TWIST2: variants seen among roughly 807,000 people sequenced by gnomAD.
TWIST2 encodes twist-related protein 2.
Under a neutral mutation model 11.6 loss-of-function variants are expected in TWIST2, and 1 was observed. That is an observed-to-expected ratio of 0.09 (90% CI 0.03 to 0.41). TWIST2 has a LOEUF of 0.41. Ranked by LOEUF, TWIST2 falls within the 10% of genes least tolerant of loss-of-function variation. TWIST2 has a pLI of 0.98. For synonymous variants in TWIST2, 87 were observed against 96.6 expected, an observed-to-expected ratio of 0.90 and a Z score of 0.58; for missense variants, 168 against 226.4, an observed-to-expected ratio of 0.74 and a Z score of 1.66.
At position 238,868,585 on chromosome 2, in the gene TWIST2, G is replaced by C. The variant is rs566358161; in HGVS notation, c.*35+19852G>C. Among the ~76,000 whole-genome samples, 6 of 152,330 alleles carry C rather than the reference G, an allele frequency of 3.9e-5. No homozygotes were observed. In the South Asian group the frequency reaches 1.2e-3, roughly 32 times the overall value. ...AACCAAACTGGCCCTTCTTGAGACA[G>C]AGATGGAAGATGCTGTTTCCCACAG... is the stretch of plus-strand genomic sequence containing the variant. On this transcript the variant is annotated intron_variant, in intron 1 of 1. Coordinates refer to ENST00000612363, the MANE Select transcript of TWIST2 (RefSeq NM_001271893.4).
At chr2:238,878,686 A>G (rs1292635628) in intron 1 of TWIST2, among the ~76,000 whole-genome samples, 1 of 152,230 alleles carries the variant, frequency 6.6e-6, no homozygotes, top group Non-Finnish European at 1.5e-5. Context: ...GCAGAACACA[A>G]ACCTTTCTCT....
In TWIST2 at chr2:238,881,610, A is replaced by G. The variant is rs144852846; in HGVS notation, c.*36-28232A>G. On this transcript the variant is annotated intron_variant, in intron 1 of 1. Transcript: ENST00000612363. The stretch of plus-strand genomic sequence containing the variant: ...GTGTTAGTATTTATTAGCATTAGTT[A>G]GTATTTATTAGCATTAGTGTTAGTA... Among the ~76,000 whole-genome samples the G allele has an allele frequency of 6.6e-5, 10 of 152,180 alleles. No individual in the cohort carries two copies. In the East Asian group the frequency reaches 1.9e-3, roughly 29 times the overall value.
intron 1 of TWIST2, among the ~76,000 whole-genome samples, chr2:238,886,156 G>A (rs984777669): frequency 2.6e-5 from 4 of 151,024 alleles, no homozygotes; most frequent in Admixed American, 6.6e-5. Context: ...AAAATGCACC[G>A]TGAACTTTGT....
chr2:238,881,299 CTATTAG>C (rs1282249529), intron 1 of TWIST2, among the ~76,000 whole-genome samples: 1 of 142,752 alleles, frequency 7.0e-6, no homozygotes, highest in Non-Finnish European at 1.5e-5. Context: ...ATGTTAGTAT[CTATTAG>C]TATTAGTGTT....
intron 1 of TWIST2, among the ~76,000 whole-genome samples, chr2:238,893,074 A>T (rs963605832): frequency 1.3e-5 from 2 of 152,092 alleles, no homozygotes; most frequent in African/African-American, 4.8e-5. Context: ...GCCTAAAAGC[A>T]CCTCTGCCAC....
chr2:238,867,101 A>G lies in TWIST2; in HGVS notation c.*35+18368A>G, dbSNP rs1363083667. On this transcript the variant is annotated intron_variant, in intron 1 of 1. Coordinates refer to ENST00000612363, the MANE Select transcript of TWIST2 (RefSeq NM_001271893.4). The surrounding 1 kb of genome is among the most constrained non-coding windows in gnomAD (Gnocchi z 4.8). ...GCCTGGGGGTCTTGTGTTTGCCCCA[A>G]ACAGAGGAGCCAGCCTCTTGTTTCG... Among the ~76,000 whole-genome samples, 1 of 152,056 alleles carries G rather than the reference A, an allele frequency of 6.6e-6. No individual in the cohort carries two copies. Among genetic ancestry groups the G allele is most frequent in the African/African-American group, 2.4e-5 (1 of 41,408 alleles).
intron 1 of TWIST2, among the ~76,000 whole-genome samples, chr2:238,875,963 C>T (rs1692797155): frequency 6.6e-6 from 1 of 152,192 alleles, no homozygotes; most frequent in Non-Finnish European, 1.5e-5. Flanking sequence ...AGGGCTGGAG[C>T]AGGTGCCAGG....
rs992699522 is a variant in TWIST2 at position 238,867,450 on chromosome 2, C to T, written c.*35+18717C>T. On this transcript the variant is annotated intron_variant, in intron 1 of 1. Coordinates refer to ENST00000612363, the MANE Select transcript of TWIST2 (RefSeq NM_001271893.4). The surrounding 1 kb of genome is among the most constrained non-coding windows in gnomAD (Gnocchi z 4.8). ...TACCCAGTTCTCACCAGGCTTTATG[C>T]AGTGGCTCTGGGGGCAGGGGCACAA... Among the ~76,000 whole-genome samples, 2 of 150,570 alleles carry T rather than the reference C, an allele frequency of 1.3e-5. No homozygotes were observed. The highest frequency in any genetic ancestry group is 4.9e-5 in the African/African-American group (2 of 40,856).
intron 1 of TWIST2, among the ~76,000 whole-genome samples, chr2:238,880,019 C>A (rs1692878925): frequency 6.6e-6 from 1 of 152,198 alleles, no homozygotes; most frequent in African/African-American, 2.4e-5. Flanking sequence ...GGGCTCTGGG[C>A]TGCCAACATT....
chr2:238,860,853 G>A (rs1280626919), intron 1 of TWIST2, among the ~76,000 whole-genome samples: 3 of 152,070 alleles, frequency 2.0e-5, no homozygotes, highest in African/African-American at 7.2e-5. Flanking sequence ...CAGGAGAATC[G>A]CTTGAACCTG....
intron 1 of TWIST2, among the ~76,000 whole-genome samples, chr2:238,872,831 C>A (rs550550853): frequency 6.6e-6 from 1 of 152,186 alleles, no homozygotes; most frequent in Non-Finnish European, 1.5e-5. Flanking sequence ...GCACACGCTC[C>A]GCAGATGGTT....
chr2:238,860,836 G>T (rs1692418851), intron 1 of TWIST2, among the ~76,000 whole-genome samples: 1 of 152,214 alleles, frequency 6.6e-6, no homozygotes, highest in Non-Finnish European at 1.5e-5. Context: ...TACTCGGGAG[G>T]CTGAGGCAGG....
intron 1 of TWIST2, among the ~76,000 whole-genome samples, chr2:238,869,219 C>T (rs1307178020): frequency 6.6e-6 from 1 of 152,210 alleles, no homozygotes; most frequent in African/African-American, 2.4e-5. Flanking sequence ...GAAGGGATTT[C>T]ACAAGCGGTG....
Position 238,866,894 on chromosome 2 carries a change from T to G in TWIST2, c.*35+18161T>G, listed in dbSNP as rs142151858. Reference sequence around the variant, plus strand: ...CGGGAGCACCTTCAGGACTGTGTCCTTGTCATGTATCCGGATGCCCGGCTC... The same window carrying G: ...CGGGAGCACCTTCAGGACTGTGTCCGTGTCATGTATCCGGATGCCCGGCTC... On this transcript the variant is annotated intron_variant, in intron 1 of 1. Coordinates refer to ENST00000612363, the MANE Select transcript of TWIST2 (RefSeq NM_001271893.4). This position sits in a 1 kb window ranked among gnomAD's most constrained non-coding sequence, Gnocchi z 4.9. Among the ~76,000 whole-genome samples the G allele has an allele frequency of 0.032, 4,806 of 152,242 alleles. 250 individuals carry two copies. Among genetic ancestry groups the G allele is most frequent in the African/African-American group, 0.11 (4,547 of 41,520 alleles).
intron 1 of TWIST2, among the ~76,000 whole-genome samples, chr2:238,893,887 G>A (rs981235026): frequency 1.1e-4 from 16 of 152,118 alleles, no homozygotes; most frequent in Non-Finnish European, 2.2e-4. Context: ...ACGACGCGCC[G>A]TCCTCCTGCT....
intron 1 of TWIST2, among the ~76,000 whole-genome samples, chr2:238,906,889 C>T (rs1200340009): frequency 1.3e-5 from 2 of 152,228 alleles, no homozygotes; most frequent in African/African-American, 4.8e-5. Context: ...GCTGGTTTGC[C>T]CCTTGGCTCA....
At chr2:238,858,931 G>A (rs1190718187) in intron 1 of TWIST2, among the ~76,000 whole-genome samples, 2 of 152,176 alleles carry the variant, frequency 1.3e-5, no homozygotes, top group Non-Finnish European at 2.9e-5. Flanking sequence ...AACAAATGAG[G>A]TTGGGCACAG....
In TWIST2 at chr2:238,848,244, C is replaced by A. The variant is rs1275864437; in HGVS notation, c.29C>A (p.Ser10Tyr). MEEGSSSPV[S>Y]PVDSLGTSEE... ...GAGGAGGGCTCCAGCTCGCCCGTGTCCCCCGTGGACAGCCTGGGCACCAGC... is the reference window on the plus strand; with the variant it reads ...GAGGAGGGCTCCAGCTCGCCCGTGTACCCCGTGGACAGCCTGGGCACCAGC... Residue 10 changes from serine to tyrosine, a missense_variant, in exon 1 of 2, where the codon TCC (serine) becomes TAC (tyrosine). By Grantham distance (144) the Ser-to-Tyr change is moderately radical (BLOSUM62 -2). Coordinates refer to ENST00000612363, the MANE Select transcript of TWIST2 (RefSeq NM_001271893.4). 6 of 1,495,508 alleles carry A rather than the reference C, an allele frequency of 4.0e-6. No individual in the cohort carries two copies. Among genetic ancestry groups the A allele is most frequent in the Non-Finnish European group, 3.6e-6 (4 of 1,121,270 alleles). 92.6% of individuals were successfully genotyped at this position (1,495,508 alleles called of 1,614,324 possible).
In TWIST2 at chr2:238,848,365, C is replaced by T. The variant is rs1574742326; in HGVS notation, c.150C>T (p.Arg50=). The T allele has an allele frequency of 2.0e-6, 3 of 1,534,752 alleles. No homozygotes were observed. In the East Asian group the frequency reaches 7.3e-5, roughly 38 times the overall value. ...ATGGCAGCCCGACCCCGGGCAAGCG[C>T]GGCAAGAAGGGCAGCCCCAGCGCGC... is the stretch of plus-strand genomic sequence containing the variant. The part of the protein sequence containing the change: ...SEDGSPTPGK[R]GKKGSPSAQS... Residue 50 remains arginine (R), a synonymous_variant, in exon 1 of 2, where the codon CGC becomes CGT. Coordinates refer to ENST00000612363, the MANE Select transcript of TWIST2 (RefSeq NM_001271893.4).
Sources: allele counts gnomAD v4.1 joint callset (sites outside exome capture counted in the v4.1 genomes callset), GRCh38; gene constraint gnomAD v4.1.1; non-coding constraint Gnocchi (gnomAD v3.1); transcripts MANE v1.5; gene names NCBI Gene and HGNC (gene_info 2026-07-23, HGNC 2026-07-21).